The following SHISAL1 variants were observed in gnomAD, a reference collection of about 807,000 sequenced individuals.
SHISAL1 encodes shisa like 1.
Under a neutral mutation model 22.6 loss-of-function variants are expected in SHISAL1, and 9 were observed. The observed-to-expected ratio is 0.40, with a 90% CI of 0.24 to 0.70. The LOEUF is 0.70. SHISAL1 is among the 30% of genes least tolerant of loss of function. SHISAL1 has a pLI of 0.39. For synonymous variants in SHISAL1, 119 were observed against 115.4 expected (o/e 1.03, Z -0.20); for missense variants, 246 against 270.6 (o/e 0.91, Z 0.64).
chr22:44,316,515 G>A (rs968746580), upstream of SHISAL1, among the ~76,000 whole-genome samples: 6 of 152,162 alleles, frequency 3.9e-5, no homozygotes, highest in Non-Finnish European at 7.4e-5. Flanking sequence ...CCCAGTCTTT[G>A]TCCACTCTGC....
intron 2 of SHISAL1, among the ~76,000 whole-genome samples, chr22:44,298,575 G>A (rs566449287): frequency 2.6e-5 from 4 of 152,234 alleles, no homozygotes; most frequent in African/African-American, 4.8e-5. Context: ...CACGCTCAGT[G>A]CGTGGGCAGC....
Position 44,244,137 on chromosome 22 carries a change from T to TGACATGCAATTCCAAGA in SHISAL1, c.*5531_*5547dup, listed in dbSNP as rs1190713489. ...TAGGAAGAAACTGCGTATGAGAAAC[T>TGACATGCAATTCCAAGA]GACATGCAATTCCAAGAAGAGGCTC... On this transcript the variant is annotated 3_prime_UTR_variant, in exon 5 of 5. Coordinates refer to ENST00000381176, the MANE Select transcript of SHISAL1 (RefSeq NM_001099294.2). The TGACATGCAATTCCAAGA allele has an allele frequency of 8.5e-5, 13 of 152,224 alleles. No homozygotes were observed. Among genetic ancestry groups the TGACATGCAATTCCAAGA allele is most frequent in the Admixed American group, 5.2e-4 (8 of 15,282 alleles). 9.4% of individuals were successfully genotyped at this position (152,224 alleles called of 1,614,324 possible). A position where few individuals can be genotyped will look rare whatever the true frequency, so the allele number is the denominator to read the frequency against.
At chr22:44,295,031 T>TA (rs1431063217) in intron 3 of SHISAL1, among the ~76,000 whole-genome samples, 1 of 152,162 alleles carries the variant, frequency 6.6e-6, no homozygotes, top group African/African-American at 2.4e-5. Flanking sequence ...ACAATCTCAG[T>TA]AAAAAATACT....
chr22:44,255,185 T>C (rs2055075989), intron 4 of SHISAL1, among the ~76,000 whole-genome samples: 1 of 152,078 alleles, frequency 6.6e-6, no homozygotes, highest in Middle Eastern at 3.2e-3. Flanking sequence ...TGTTGATATA[T>C]ATATATTTTT....
intron 4 of SHISAL1, among the ~76,000 whole-genome samples, chr22:44,252,776 C>A (rs536003035): frequency 3.9e-5 from 6 of 151,954 alleles, no homozygotes; most frequent in African/African-American, 1.5e-4. Context: ...AGGTAGATCA[C>A]GAGGTCAGGA....
rs189293548 is a variant in SHISAL1 at position 44,246,476 on chromosome 22, G to T, written c.*3209C>A. On this transcript the variant is annotated 3_prime_UTR_variant, in exon 5 of 5. Transcript: ENST00000381176. ...AATCAGGTTGAGTTGCTAAAAAACA[G>T]TAACTCTAGCTATGCTTGAACTCGT... 2 of 152,278 alleles carry T rather than the reference G, an allele frequency of 1.3e-5. No individual in the cohort carries two copies. Among genetic ancestry groups the T allele is most frequent in the East Asian group, 3.9e-4 (2 of 5,180 alleles). The allele number at this position is 152,278 out of a possible 1,614,324, so 9.4% of individuals were successfully genotyped here.
chr22:44,261,098 T>TATATATAC (rs1459696750), intron 4 of SHISAL1, among the ~76,000 whole-genome samples: 3 of 130,280 alleles, frequency 2.3e-5, no homozygotes, highest in African/African-American at 1.1e-4. Context: ...TATATATATA[T>TATATATAC]ACACTATATG....
At chr22:44,267,553 C>A (rs2147277943) in intron 4 of SHISAL1, among the ~76,000 whole-genome samples, 1 of 152,286 alleles carries the variant, frequency 6.6e-6, no homozygotes, top group Admixed American at 6.5e-5. Context: ...CCCCAGCTGC[C>A]TTCCCAAAGG....
rs1226133830 is a variant in SHISAL1 at position 44,247,846 on chromosome 22, T to C, written c.*1839A>G. ...CTGGGCACTATCACCCTCATCTCCT[T>C]CTGCCTTCCCTCTGGGTCCCCAGCC... On this transcript the variant is annotated 3_prime_UTR_variant, in exon 5 of 5. Coordinates refer to ENST00000381176, the MANE Select transcript of SHISAL1 (RefSeq NM_001099294.2). 1 of 145,282 alleles carries C rather than the reference T, an allele frequency of 6.9e-6. No individual in the cohort carries two copies. 9.0% of individuals were successfully genotyped at this position (145,282 alleles called of 1,614,324 possible).
chr22:44,320,405 C>G, the SHISAL1 span, among the ~76,000 whole-genome samples: 35,827 of 152,124 alleles, frequency 0.24, 4,615 homozygotes, highest in East Asian at 0.53. Context: ...TGGGCCAGGC[C>G]GTGGATCAGG....
chr22:44,315,324 G>A (rs2147315704), upstream of SHISAL1, among the ~76,000 whole-genome samples: 1 of 152,224 alleles, frequency 6.6e-6, no homozygotes. Flanking sequence ...CCACCCCTCT[G>A]GGCAGCTGAG....
the SHISAL1 span, among the ~76,000 whole-genome samples, chr22:44,320,177 C>T: frequency 6.6e-6 from 1 of 152,192 alleles, no homozygotes; most frequent in Non-Finnish European, 1.5e-5. Context: ...TTAACCTTGG[C>T]ATGGAGAGGC....
At chr22:44,255,631 C>T (rs1378742050) in intron 4 of SHISAL1, among the ~76,000 whole-genome samples, 4 of 152,330 alleles carry the variant, frequency 2.6e-5, no homozygotes, top group East Asian at 3.9e-4. Context: ...CGCTGGTCAG[C>T]GCTGGTCAGC....
At chr22:44,304,400 G>A (rs2055455801) in intron 1 of SHISAL1, among the ~76,000 whole-genome samples, 1 of 152,248 alleles carries the variant, frequency 6.6e-6, no homozygotes, top group Admixed American at 6.5e-5. Flanking sequence ...GGCGGGAGCT[G>A]GGACGTCAGG....
At chr22:44,290,544 A>AAAAAAAAAAAC (rs2055346103) in intron 3 of SHISAL1, among the ~76,000 whole-genome samples, 1 of 151,288 alleles carries the variant, frequency 6.6e-6, no homozygotes, top group Non-Finnish European at 1.5e-5. Context: ...AAAAAAAAAA[A>AAAAAAAAAAAC]CAAAAAACGG....
chr22:44,302,617 AG>A (rs2055439523), intron 1 of SHISAL1, among the ~76,000 whole-genome samples: 1 of 152,006 alleles, frequency 6.6e-6, no homozygotes, highest in South Asian at 2.1e-4. Context: ...GAGGGATAGC[AG>A]GGGCAAAGGC....
chr22:44,296,554 G>A (rs1053140993), intron 3 of SHISAL1, 118 bp downstream of exon 3: 1 of 813,690 alleles, frequency 1.2e-6, no homozygotes, highest in African/African-American at 1.7e-5. Context: ...ACTCCTTCCA[G>A]GCCCACCCAA....
At chr22:44,258,235 G>T (rs2055098060) in intron 4 of SHISAL1, among the ~76,000 whole-genome samples, 1 of 152,116 alleles carries the variant, frequency 6.6e-6, no homozygotes, top group South Asian at 2.1e-4. Context: ...GAATCCAGTG[G>T]GGTAGAGATT....
rs772193423 is a variant in SHISAL1 at position 44,245,851 on chromosome 22, TTGAC to T, written c.*3830_*3833del. 2.0e-5 allele frequency: 3 copies of T among 152,284 alleles called. No individual in the cohort carries two copies. Among genetic ancestry groups the T allele is most frequent in the Non-Finnish European group, 2.9e-5 (2 of 68,074 alleles). 9.4% of individuals were successfully genotyped at this position (152,284 alleles called of 1,614,324 possible). ...CTCCTCTTCAGCTCTGGGCCAAAAT[TTGAC>T]TGAATCTTTCTGATGATGAGGGGAG... is the stretch of plus-strand genomic sequence containing the variant. On this transcript the variant is annotated 3_prime_UTR_variant, in exon 5 of 5. Coordinates refer to ENST00000381176, the MANE Select transcript of SHISAL1 (RefSeq NM_001099294.2).
Sources: allele counts gnomAD v4.1 joint callset (sites outside exome capture counted in the v4.1 genomes callset), GRCh38; gene constraint gnomAD v4.1.1; transcripts MANE v1.5; gene names NCBI Gene and HGNC (gene_info 2026-07-23, HGNC 2026-07-21).